CATIP: variants seen among roughly 807,000 people sequenced by gnomAD.
The protein encoded by CATIP is ciliogenesis-associated TTC17-interacting protein.
In CATIP, 40 loss-of-function variants were observed where a neutral mutation model predicts 42.5. The observed-to-expected ratio is 0.94, with a 90% CI of 0.73 to 1.22. The LOEUF (loss-of-function observed/expected upper bound fraction) is 1.22, where lower values mean the gene tolerates loss of function less well. CATIP is among the 50% of genes most tolerant of loss of function. The probability of loss-of-function intolerance (pLI) is 0.00; values close to 1 mark genes in which losing one functional copy is unlikely to be tolerated. For synonymous variants in CATIP, 222 were observed against 200.2 expected (o/e 1.11, Z -0.92); for missense variants, 489 against 496.0 (o/e 0.99, Z 0.13).
At chr2:218,367,174 AG>A in intron 8 of CATIP, 74 bp downstream of exon 8, 4 of 1,167,356 alleles carry the variant, frequency 3.4e-6, no homozygotes, top group Non-Finnish European at 5.0e-6. Context: ...TCCAGGATGC[AG>A]GGGGCTGGAC....
Position 218,367,005 on chromosome 2 carries a change from A to C in CATIP, c.756-19A>C. The C allele has an allele frequency of 6.2e-7, 1 of 1,602,038 alleles. No individual in the cohort carries two copies. The highest frequency in any genetic ancestry group is 2.2e-5 in the East Asian group (1 of 44,792). On this transcript the variant is annotated intron_variant, in intron 7 of 9. Coordinates refer to ENST00000289388, the MANE Select transcript of CATIP (RefSeq NM_198559.2). ...GGTCTGGGAAGATTCTCACTCTCAC[A>C]TGTTGTGTTGCACTCCAGGCACCTG...
At position 218,364,665 on chromosome 2, in the gene CATIP, A is replaced by T. The variant is rs1007111060; in HGVS notation, c.668A>T (p.Gln223Leu). 5 of 1,614,128 alleles carry T rather than the reference A, an allele frequency of 3.1e-6. No individual in the cohort carries two copies. Among genetic ancestry groups the T allele is most frequent in the Non-Finnish European group, 4.2e-6 (5 of 1,179,968 alleles). Residue 223 changes from glutamine to leucine, a missense_variant, in exon 7 of 10, where the codon CAG becomes CTG. Gln to Leu is a moderately radical substitution (Grantham distance 113, BLOSUM62 -2). Transcript: ENST00000289388. ...LGFQTIQVDH[Q>L]QAEVFIVEQT... Reference sequence around the variant, plus strand: ...TTCCAGACCATCCAGGTAGACCATCAGCAGGCTGAAGTCTTCATCGTGGAG... The same window carrying T: ...TTCCAGACCATCCAGGTAGACCATCTGCAGGCTGAAGTCTTCATCGTGGAG...
rs781578162 is a variant in CATIP at position 218,367,088 on chromosome 2, T to C, written c.820T>C (p.Leu274=). ...GCCIITKMPI[L]REEDEIEPRP... ...CTGCATCATCACCAAGATGCCCATC[T>C]TGAGGGAAGAGGGTGAGTGAAGCCC... The change falls in exon 8 of 10, where the codon TTG becomes CTG. Residue 274 remains leucine, a synonymous_variant. Transcript: ENST00000289388. 1 of 1,613,120 alleles carries C rather than the reference T, an allele frequency of 6.2e-7. No homozygotes were observed. Among genetic ancestry groups the C allele is most frequent in the Admixed American group, 1.7e-5 (1 of 60,006 alleles).
rs979455930 is a variant in CATIP, at chr2:218,358,107, C to T, written c.375+15C>T. Reference sequence around the variant, plus strand: ...ACTTCATCAAGGTACTTCCCAGGGCCCCAGCCTTGACCCAATCCAGGGGAG... The same window carrying T: ...ACTTCATCAAGGTACTTCCCAGGGCTCCAGCCTTGACCCAATCCAGGGGAG... On this transcript the variant is annotated intron_variant, in intron 4 of 9. Transcript: ENST00000289388. 5 of 1,611,140 alleles carry T rather than the reference C, an allele frequency of 3.1e-6. No homozygotes were observed. The highest frequency in any genetic ancestry group is 4.2e-6 in the Non-Finnish European group (5 of 1,178,266).
rs199883176 is a variant in CATIP at position 218,358,261 on chromosome 2, A to C, written c.375+169A>C. ...AAAGCTCAAAAGCAACGCACTTCAGAAAACTGATTTTAAAACACGGGGGTG... is the reference window on the plus strand; with the variant it reads ...AAAGCTCAAAAGCAACGCACTTCAGCAAACTGATTTTAAAACACGGGGGTG... On this transcript the variant is annotated intron_variant, in intron 4 of 9. Coordinates refer to ENST00000289388, the MANE Select transcript of CATIP (RefSeq NM_198559.2). 5.3e-5 allele frequency among the ~76,000 whole-genome samples: 8 copies of C among 152,334 alleles called. No individual in the cohort carries two copies. The East Asian group carries it at 1.5e-3, about 29-fold the overall frequency.
intron 4 of CATIP, among the ~76,000 whole-genome samples, chr2:218,360,317 A>G (rs752442191): frequency 3.3e-5 from 5 of 151,240 alleles, no homozygotes; most frequent in Non-Finnish European, 5.9e-5. Flanking sequence ...ACACCCAGCT[A>G]ATTTTTGTAT....
intron 4 of CATIP, among the ~76,000 whole-genome samples, chr2:218,359,364 A>AAAAAAAAAAAAAAAAAG (rs1695155999): frequency 1.4e-5 from 2 of 144,672 alleles, no homozygotes; most frequent in African/African-American, 5.2e-5. Context: ...AAAAAAAAAA[A>AAAAAAAAAAAAAAAAAG]TGTTGGGGAT....
At chr2:218,359,936 T>C (rs1695177660) in intron 4 of CATIP, among the ~76,000 whole-genome samples, 1 of 152,050 alleles carries the variant, frequency 6.6e-6, no homozygotes, top group Non-Finnish European at 1.5e-5. Context: ...GCAATTCTCC[T>C]GTCTCAGCCT....
In CATIP at chr2:218,357,877, G is replaced by A. The variant is rs916509415; in HGVS notation, c.319+143G>A. ...GGCACGGGGTGGGAGAGGGATGAGC[G>A]AGTTCCTCATGGACTCGGGATGAGG... On this transcript the variant is annotated intron_variant, in intron 3 of 9. Coordinates refer to ENST00000289388, the MANE Select transcript of CATIP (RefSeq NM_198559.2). 82 of 1,082,028 alleles carry A rather than the reference G, an allele frequency of 7.6e-5. 2 individuals carry two copies. The South Asian group carries it at 9.4e-4, about 12-fold the overall frequency. The allele number at this position is 1,082,028 out of a possible 1,614,324, so 67.0% of individuals were successfully genotyped here.
chr2:218,362,997 G>C, intron 6 of CATIP, 95 bp downstream of exon 6: 2 of 1,284,720 alleles, frequency 1.6e-6, no homozygotes, highest in South Asian at 1.4e-5. Flanking sequence ...GAGTAGAAAA[G>C]GGAGGCAGGT....
At chr2:218,357,357 C>T in intron 2 of CATIP, 170 bp downstream of exon 2, 2 of 705,080 alleles carry the variant, frequency 2.8e-6, no homozygotes, top group South Asian at 1.9e-5. Context: ...AAGGGAAGGC[C>T]CCCCGGGGAC....
At chr2:218,364,804 C>A in intron 7 of CATIP, 52 bp downstream of exon 7, 1 of 1,570,336 alleles carries the variant, frequency 6.4e-7, no homozygotes, top group South Asian at 1.2e-5. Context: ...TGTAGGTGCT[C>A]AAGGAGACCG....
chr2:218,357,273 C>T, intron 2 of CATIP, 86 bp downstream of exon 2: 14 of 822,424 alleles, frequency 1.7e-5, no homozygotes, highest in Non-Finnish European at 2.5e-5. Context: ...CTCTCTCTCT[C>T]TCTCTCTCTC....
At chr2:218,357,501 G>T (rs1695071174) in intron 2 of CATIP, 33 bp from the exon 3 acceptor site, 1 of 1,583,132 alleles carries the variant, frequency 6.3e-7, no homozygotes, top group African/African-American at 1.3e-5. Flanking sequence ...AGGAGCAGGG[G>T]CTTTATCTGT....
rs375245904 is a variant in CATIP at position 218,366,972 on chromosome 2, T to C, written c.756-52T>C. ...GGGGTTAGAGAGACAATTCAGTCCA[T>C]AGCAGGCGGTCTGGGAAGATTCTCA... is the stretch of plus-strand genomic sequence containing the variant. On this transcript the variant is annotated intron_variant, in intron 7 of 9. Coordinates refer to ENST00000289388, the MANE Select transcript of CATIP (RefSeq NM_198559.2). 93 of 1,368,068 alleles carry C rather than the reference T, an allele frequency of 6.8e-5. No individual in the cohort carries two copies. In the African/African-American group the frequency reaches 1.1e-3, roughly 16 times the overall value. 84.7% of individuals were successfully genotyped at this position (1,368,068 alleles called of 1,614,324 possible).
At chr2:218,360,755 G>A (rs1200118921) in intron 5 of CATIP, 96 bp downstream of exon 5, 7 of 925,782 alleles carry the variant, frequency 7.6e-6, no homozygotes, top group Non-Finnish European at 1.2e-5. Context: ...ATTTTGCCAA[G>A]GTTAAGGACG....
chr2:218,356,972 G>C, intron 1 of CATIP, 63 bp downstream of exon 1: 1 of 1,603,910 alleles, frequency 6.2e-7, no homozygotes, highest in South Asian at 1.1e-5. Flanking sequence ...ATCCACCCTC[G>C]GGGTAGTCTT....
At chr2:218,357,927 T>C in intron 3 of CATIP, 110 bp from the exon 4 acceptor site, 1 of 1,167,844 alleles carries the variant, frequency 8.6e-7, no homozygotes, top group Non-Finnish European at 1.3e-6. Context: ...TCCTGTAGTT[T>C]TTCTGGGACC....
intron 7 of CATIP, chr2:218,366,148 C>G (rs1223270263): frequency 6.6e-6 from 1 of 151,100 alleles, no homozygotes; most frequent in Non-Finnish European, 1.5e-5. Context: ...CTTTTTGAGA[C>G]AGTCTCGCTC....
Sources: gnomAD v4.1 joint callset for allele counts (sites outside exome capture counted in the v4.1 genomes callset) on GRCh38, gnomAD v4.1.1 for gene constraint, MANE v1.5 for transcripts, NCBI Gene and HGNC (gene_info 2026-07-23, HGNC 2026-07-21) for gene names.